RBFOX1: variants seen among roughly 807,000 people sequenced by gnomAD.
RBFOX1 encodes RNA binding protein fox-1 homolog 1.
RBFOX1 carries 8 observed loss-of-function variants against 57.7 expected under a neutral mutation model. That is an observed-to-expected ratio of 0.14 (90% CI 0.08 to 0.25). The LOEUF is 0.25. Among genes scored for constraint, RBFOX1 ranks in the 10% least tolerant of loss-of-function variants. RBFOX1 has a pLI of 1.00. For missense variants in RBFOX1, 611 were observed against 548.5 expected (o/e 1.11, Z -1.14); for synonymous variants, 326 against 222.4 (o/e 1.47, Z -4.15).
chr16:7,702,420 C>T lies in RBFOX1; in HGVS notation c.996-6636C>T, dbSNP rs931294785. On this transcript the variant is annotated intron_variant, in intron 14 of 15. Coordinates refer to ENST00000550418, the MANE Select transcript of RBFOX1 (RefSeq NM_018723.4). ...AATTGCCAAGAGATTTGTCAGAAGC[C>T]TTCAGCCTCTTTCAGTAGGACTGTG... Among the ~76,000 whole-genome samples the T allele has an allele frequency of 2.0e-5, 3 of 152,324 alleles. No individual in the cohort carries two copies. The South Asian group carries it at 6.2e-4, about 32-fold the overall frequency.
intron 1 of RBFOX1, among the ~76,000 whole-genome samples, chr16:5,363,969 C>G (rs1033917741): frequency 2.0e-5 from 3 of 152,320 alleles, no homozygotes; most frequent in Admixed American, 6.5e-5. Flanking sequence ...TAGTCAGATC[C>G]TTCATCCAGT....
At chr16:5,809,544 A>G (rs1236951335) in intron 3 of RBFOX1, among the ~76,000 whole-genome samples, 1 of 152,274 alleles carries the variant, frequency 6.6e-6, no homozygotes, top group African/African-American at 2.4e-5. Context: ...AAAAGAAGAC[A>G]TTTATGCAGC....
At position 7,463,778 on chromosome 16, in the gene RBFOX1, AC is replaced by A. The variant is rs113832723; in HGVS notation, c.28-54368del. ...TCATCACAATGATAAATGTTAGCAG[AC>A]ATTGCTCTGATAACGACAACAGCTG... On this transcript the variant is annotated intron_variant, in intron 4 of 15. Coordinates refer to ENST00000550418, the MANE Select transcript of RBFOX1 (RefSeq NM_018723.4). Among the ~76,000 whole-genome samples, 261 of 152,368 alleles carry A rather than the reference AC, an allele frequency of 1.7e-3. 1 individual carries two copies. Among genetic ancestry groups the A allele is most frequent in the African/African-American group, 5.9e-3 (247 of 41,590 alleles).
At chr16:7,087,140 A>C (rs760054671) in intron 4 of RBFOX1, among the ~76,000 whole-genome samples, 2 of 152,158 alleles carry the variant, frequency 1.3e-5, no homozygotes, top group Non-Finnish European at 2.9e-5. Context: ...TTTTATCTGA[A>C]GTACATTTAA....
chr16:5,803,045 G>A (rs754969701), intron 3 of RBFOX1, among the ~76,000 whole-genome samples: 9 of 152,180 alleles, frequency 5.9e-5, no homozygotes, highest in Non-Finnish European at 1.3e-4. Flanking sequence ...TTTGATCCTG[G>A]AAGAATGGAT....
intron 4 of RBFOX1, among the ~76,000 whole-genome samples, chr16:7,435,976 A>C (rs1384288902): frequency 2.0e-5 from 3 of 151,662 alleles, no homozygotes; most frequent in Non-Finnish European, 4.4e-5. Context: ...TGACATAGCG[A>C]CCTCTTTTCT....
intron 3 of RBFOX1, among the ~76,000 whole-genome samples, chr16:6,971,617 T>G (rs117299926): frequency 0.022 from 3,327 of 152,032 alleles, 39 homozygotes; most frequent in Middle Eastern, 0.078. Flanking sequence ...GGTGTACTGA[T>G]TGGGGGCGGA....
chr16:7,184,366 C>G (rs140457757), intron 4 of RBFOX1, among the ~76,000 whole-genome samples: 103 of 152,276 alleles, frequency 6.8e-4, no homozygotes, highest in East Asian at 5.8e-3. Flanking sequence ...AAAACAGATG[C>G]AAGTGCAAGA....
intron 3 of RBFOX1, among the ~76,000 whole-genome samples, chr16:6,865,122 C>T (rs1182276897): frequency 1.3e-5 from 2 of 148,900 alleles, no homozygotes; most frequent in Admixed American, 6.8e-5. Context: ...CCACCCTTAG[C>T]CTCCCAAGTA....
At chr16:5,790,871 T>A (rs1344753474) in intron 3 of RBFOX1, among the ~76,000 whole-genome samples, 2 of 132,138 alleles carry the variant, frequency 1.5e-5, no homozygotes, top group South Asian at 2.5e-4. Flanking sequence ...TTTTTTTTTT[T>A]TTGTTTTTTT....
At chr16:7,225,758 G>A (rs1323908431) in intron 4 of RBFOX1, among the ~76,000 whole-genome samples, 53 of 98,196 alleles carry the variant, frequency 5.4e-4, no homozygotes, top group Non-Finnish European at 1.3e-4. Context: ...ACATTTGGGG[G>A]TGGGGGGAGG....
chr16:7,077,283 A>C (rs1382755625), intron 4 of RBFOX1, among the ~76,000 whole-genome samples: 1 of 152,234 alleles, frequency 6.6e-6, no homozygotes, highest in Non-Finnish European at 1.5e-5. Context: ...CCACTGTCTC[A>C]AAGTACATCG....
intron 2 of RBFOX1, among the ~76,000 whole-genome samples, chr16:6,522,156 TG>T (rs2096513695): frequency 2.3e-5 from 1 of 42,572 alleles, no homozygotes; most frequent in Non-Finnish European, 6.4e-5. Context: ...GGACCCACAG[TG>T]TGTGTGTGTG....
chr16:7,108,386 A>G (rs886522138), intron 4 of RBFOX1, among the ~76,000 whole-genome samples: 1 of 152,212 alleles, frequency 6.6e-6, no homozygotes, highest in African/African-American at 2.4e-5. Flanking sequence ...AACATGTACA[A>G]GTTGAAGTGT....
intron 4 of RBFOX1, among the ~76,000 whole-genome samples, chr16:5,906,214 G>C (rs568657560): frequency 6.6e-6 from 1 of 152,168 alleles, no homozygotes; most frequent in Non-Finnish European, 1.5e-5. Context: ...TTTGGAAATA[G>C]GGTTCTTGTA....
At chr16:7,339,524 C>G (rs1481400433) in intron 4 of RBFOX1, among the ~76,000 whole-genome samples, 1 of 152,128 alleles carries the variant, frequency 6.6e-6, no homozygotes, top group Non-Finnish European at 1.5e-5. Context: ...CACTGCACCT[C>G]CACCTGCCAA....
intron 4 of RBFOX1, among the ~76,000 whole-genome samples, chr16:7,368,767 G>A (rs1470432546): frequency 8.8e-5 from 11 of 125,228 alleles, no homozygotes; most frequent in African/African-American, 3.1e-4. Flanking sequence ...GTGACAGAGC[G>A]AGACTCTGTC....
At chr16:6,137,532 C>G (rs940114660) in intron 1 of RBFOX1, among the ~76,000 whole-genome samples, 2 of 151,882 alleles carry the variant, frequency 1.3e-5, no homozygotes, top group East Asian at 3.9e-4. Context: ...TCTCGAGCTC[C>G]TGACCTCAGG....
At chr16:5,540,115 C>T (rs1425418844) in intron 2 of RBFOX1, among the ~76,000 whole-genome samples, 1 of 152,042 alleles carries the variant, frequency 6.6e-6, no homozygotes, top group African/African-American at 2.4e-5. Flanking sequence ...AGCAAGGGTG[C>T]TGAACAGAAA....
Sources: gnomAD v4.1 joint callset for allele counts (sites outside exome capture counted in the v4.1 genomes callset) on GRCh38, gnomAD v4.1.1 for gene constraint, MANE v1.5 for transcripts, NCBI Gene and HGNC (gene_info 2026-07-23, HGNC 2026-07-21) for gene names.